PROM1: variants seen among roughly 807,000 people sequenced by gnomAD.
The protein encoded by PROM1 is prominin-1.
In PROM1, 105 loss-of-function variants were observed where a neutral mutation model predicts 116.9. That is an observed-to-expected ratio of 0.90 (90% CI 0.77 to 1.06). PROM1 has a LOEUF of 1.06. Ranked by LOEUF, PROM1 falls within the 50% of genes least tolerant of loss-of-function variation. The pLI, the probability that PROM1 is intolerant of heterozygous loss-of-function variation, is 0.00. For missense variants in PROM1, 1,122 were observed against 1,045.2 expected (o/e 1.07, Z -1.01); for synonymous variants, 393 against 387.0 (o/e 1.02, Z -0.18).
intron 2 of PROM1, among the ~76,000 whole-genome samples, chr4:16,059,379 T>C (rs1378023241): frequency 6.6e-6 from 1 of 152,284 alleles, no homozygotes; most frequent in South Asian, 2.1e-4. Context: ...TGGTTCAACA[T>C]TTATGGAGTG....
At chr4:16,018,293 C>T (rs571841931) in intron 9 of PROM1, 30 bp downstream of exon 9, 2 of 1,604,930 alleles carry the variant, frequency 1.2e-6, no homozygotes, top group East Asian at 2.2e-5. Flanking sequence ...GCATGCAGCC[C>T]TTGACCATGG....
intron 3 of PROM1, among the ~76,000 whole-genome samples, chr4:16,036,397 T>C (rs1733944725): frequency 6.6e-6 from 1 of 152,212 alleles, no homozygotes; most frequent in Admixed American, 6.5e-5. Flanking sequence ...GGAACACCAT[T>C]TGTGATGGGA....
chr4:16,064,430 G>T (rs755727104), intron 2 of PROM1, among the ~76,000 whole-genome samples: 3 of 152,120 alleles, frequency 2.0e-5, no homozygotes, highest in Non-Finnish European at 2.9e-5. Context: ...TCAGGCGGGC[G>T]TTACCCTTGG....
chr4:16,002,929 G>A (rs1036363168), intron 13 of PROM1, among the ~76,000 whole-genome samples: 1 of 152,272 alleles, frequency 6.6e-6, no homozygotes, highest in African/African-American at 2.4e-5. Context: ...TTGAAAAGGA[G>A]GAAGAGGAGG....
At chr4:16,030,882 C>T (rs1350708473) in intron 5 of PROM1, among the ~76,000 whole-genome samples, 1 of 152,102 alleles carries the variant, frequency 6.6e-6, no homozygotes, top group Non-Finnish European at 1.5e-5. Context: ...CCCGTCTCTA[C>T]TAAAAATACA....
At chr4:16,005,025 C>T (rs1225504492) in intron 13 of PROM1, among the ~76,000 whole-genome samples, 5 of 146,968 alleles carry the variant, frequency 3.4e-5, no homozygotes, top group South Asian at 2.2e-4. Context: ...GCAGTTGGCA[C>T]GATCTCGGCT....
chr4:16,053,833 G>A (rs962486540), intron 2 of PROM1, among the ~76,000 whole-genome samples: 8 of 152,190 alleles, frequency 5.3e-5, no homozygotes, highest in Admixed American at 2.0e-4. Context: ...AGTGGCTCAC[G>A]CCTATAATCC....
At chr4:16,076,605 G>A (rs1744006086) in intron 1 of PROM1, 1 of 152,378 alleles carries the variant, frequency 6.6e-6, no homozygotes, top group Non-Finnish European at 1.5e-5. Flanking sequence ...TGCCTTCAAA[G>A]TCCAAGATCT....
intron 6 of PROM1, among the ~76,000 whole-genome samples, chr4:16,024,820 C>T (rs912217259): frequency 8.5e-5 from 13 of 152,108 alleles, no homozygotes; most frequent in African/African-American, 2.9e-4. Context: ...GGTTTCATTA[C>T]AAGAGTAACT....
Position 15,979,882 on chromosome 4 carries a change from T to C in PROM1, c.2512A>G (p.Asn838Asp). The C allele has an allele frequency of 6.9e-7, 1 of 1,453,458 alleles. No homozygotes were observed. Among genetic ancestry groups the C allele is most frequent in the Non-Finnish European group, 9.4e-7 (1 of 1,064,066 alleles). 90.0% of individuals were successfully genotyped at this position (1,453,458 alleles called of 1,614,324 possible). A position where few individuals can be genotyped will look rare whatever the true frequency, so the allele number is the denominator to read the frequency against. The change falls in exon 25 of 28, where the codon AAT becomes GAT. Residue 838 changes from asparagine (N) to aspartate (D), a missense_variant and splice_region_variant. Physicochemically the swap from Asn to Asp is conservative, Grantham distance 23. Transcript: ENST00000447510. ...YDDVETIPMKNMENGNNGYHK... is the reference protein window; with the variant it reads ...YDDVETIPMKDMENGNNGYHK... ...TATAGTTTTTTTAAAAAGGCTTACT[T>C]TTTCATGGGTATAGTTTCAACACTA...
At chr4:15,980,714 C>A (rs372945014) in intron 23 of PROM1, among the ~76,000 whole-genome samples, 177 bp from the exon 24 acceptor site, 3 of 150,256 alleles carry the variant, frequency 2.0e-5, no homozygotes, top group Non-Finnish European at 2.9e-5. Context: ...TGAAGTGCTA[C>A]GCACATTGTT....
intron 2 of PROM1, among the ~76,000 whole-genome samples, chr4:16,050,948 T>A (rs1737722870): frequency 6.6e-6 from 1 of 152,208 alleles, no homozygotes; most frequent in Non-Finnish European, 1.5e-5. Context: ...TCCATGCTGT[T>A]AATAGGCTCA....
chr4:16,051,606 G>A (rs552687361), intron 2 of PROM1, among the ~76,000 whole-genome samples: 15 of 152,188 alleles, frequency 9.9e-5, no homozygotes, highest in Non-Finnish European at 1.5e-4. Flanking sequence ...AGTGCAACAC[G>A]TAAGGCCTCA....
chr4:16,070,374 A>G (rs982830593), intron 2 of PROM1, among the ~76,000 whole-genome samples: 1 of 152,206 alleles, frequency 6.6e-6, no homozygotes, highest in African/African-American at 2.4e-5. Context: ...TTTTTAGTGG[A>G]GTTTAGAGCA....
chr4:16,033,464 G>T lies in PROM1; in HGVS notation c.349C>A (p.Leu117Met). The change falls in exon 5 of 28, where the codon CTG (leucine) becomes ATG (methionine). Residue 117 changes from leucine (L) to methionine (M), a missense_variant. Physicochemically the swap from Leu to Met is conservative, Grantham distance 15 (BLOSUM62 2). Transcript: ENST00000447510. ...AGAGGCATCAGAATAATAAACAGCA[G>T]CCCCAGGACACAGCATAGAATAATC... ...AGIILCCVLGLLFIILMPLVG... is the reference protein window; with the variant it reads ...AGIILCCVLGMLFIILMPLVG... 1.9e-6 allele frequency: 3 copies of T among 1,612,176 alleles called. No homozygotes were observed. Among genetic ancestry groups the T allele is most frequent in the Non-Finnish European group, 2.5e-6 (3 of 1,179,072 alleles).
At chr4:16,011,440 T>C (rs1439553993) in intron 11 of PROM1, among the ~76,000 whole-genome samples, 1 of 152,180 alleles carries the variant, frequency 6.6e-6, no homozygotes, top group East Asian at 1.9e-4. Flanking sequence ...GCAAAGGACA[T>C]GAAACTGAAC....
At chr4:16,057,994 A>C (rs1366361966) in intron 2 of PROM1, among the ~76,000 whole-genome samples, 1 of 152,222 alleles carries the variant, frequency 6.6e-6, no homozygotes, top group Admixed American at 6.5e-5. Context: ...AAAACTTCCC[A>C]GTAGCAGCCA....
At chr4:16,004,836 C>CTTTCT (rs1560460117) in intron 13 of PROM1, among the ~76,000 whole-genome samples, 65 of 57,594 alleles carry the variant, frequency 1.1e-3, no homozygotes, top group African/African-American at 3.2e-3. Flanking sequence ...TCTTTTTCTT[C>CTTTCT]CTTCCTTCCT....
intron 5 of PROM1, 99 bp downstream of exon 5, chr4:16,033,205 T>C: frequency 9.6e-7 from 1 of 1,042,952 alleles, no homozygotes; most frequent in African/African-American, 1.6e-5. Flanking sequence ...TCATTGTTGC[T>C]ATTTTGTTTA....
Sources: allele counts gnomAD v4.1 joint callset (sites outside exome capture counted in the v4.1 genomes callset), GRCh38; gene constraint gnomAD v4.1.1; transcripts MANE v1.5; gene names NCBI Gene and HGNC (gene_info 2026-07-23, HGNC 2026-07-21).